MICAL3: variants seen among roughly 807,000 people sequenced by gnomAD.
MICAL3 encodes the protein [F-actin]-monooxygenase MICAL3.
In MICAL3, 62 loss-of-function variants were observed where a neutral mutation model predicts 207.4. That is an observed-to-expected ratio of 0.30 (90% CI 0.24 to 0.37). MICAL3 has a LOEUF of 0.37. Among genes scored for constraint, MICAL3 ranks in the 10% least tolerant of loss-of-function variants. The probability of loss-of-function intolerance (pLI) is 1.00; values close to 1 mark genes in which losing one functional copy is unlikely to be tolerated. For missense variants in MICAL3, 2,368 were observed against 2,635.6 expected (o/e 0.90, Z 2.22); for synonymous variants, 1,077 against 1,069.3 (o/e 1.01, Z -0.14).
chr22:17,923,668 A>T (rs559335042), intron 1 of MICAL3, among the ~76,000 whole-genome samples: 5 of 152,362 alleles, frequency 3.3e-5, no homozygotes, highest in African/African-American at 1.2e-4. Context: ...ACTACTGTTC[A>T]TTGGCCTGCT....
chr22:17,986,264 T>C (rs569372561), intron 1 of MICAL3, among the ~76,000 whole-genome samples: 2 of 152,316 alleles, frequency 1.3e-5, no homozygotes, highest in East Asian at 1.9e-4. Flanking sequence ...CTTATGCGTG[T>C]AATCCCAGCA....
At chr22:17,815,768 G>A (rs1288122746) in intron 27 of MICAL3, 1 of 152,438 alleles carries the variant, frequency 6.6e-6, no homozygotes, top group African/African-American at 2.4e-5. Context: ...AAAGCGTCTG[G>A]TTTGCTGAGT....
At chr22:17,935,987 A>G (rs1196074718) in intron 1 of MICAL3, among the ~76,000 whole-genome samples, 2 of 152,244 alleles carry the variant, frequency 1.3e-5, no homozygotes, top group Non-Finnish European at 2.9e-5. Flanking sequence ...GGGAGTGTAA[A>G]TTGATTCAAC....
intron 1 of MICAL3, among the ~76,000 whole-genome samples, chr22:17,934,614 C>G (rs1320329004): frequency 6.6e-6 from 1 of 152,132 alleles, no homozygotes; most frequent in African/African-American, 2.4e-5. Context: ...ACAGGGCAAT[C>G]AGGCAAGAGA....
intron 19 of MICAL3, 94 bp downstream of exon 19, chr22:17,864,805 A>T: frequency 6.2e-7 from 1 of 1,613,898 alleles, no homozygotes; most frequent in East Asian, 2.2e-5. Flanking sequence ...GAATGAAGAA[A>T]TGTTGCTTTG....
At chr22:17,966,825 A>C (rs560720914) in intron 1 of MICAL3, among the ~76,000 whole-genome samples, 32 of 152,250 alleles carry the variant, frequency 2.1e-4, no homozygotes, top group Non-Finnish European at 4.4e-4. Context: ...CTAAATGTGC[A>C]GCTGGAACTC....
chr22:18,014,062 T>G (rs372978484), intron 1 of MICAL3, among the ~76,000 whole-genome samples: 5 of 152,010 alleles, frequency 3.3e-5, no homozygotes, highest in East Asian at 3.9e-4. Flanking sequence ...CTCCCAAAGT[T>G]CTGGGATTAT....
chr22:17,961,725 C>T (rs1047357355), intron 1 of MICAL3, among the ~76,000 whole-genome samples: 1 of 152,170 alleles, frequency 6.6e-6, no homozygotes, highest in African/African-American at 2.4e-5. Flanking sequence ...ACAAGGCCTG[C>T]ACCCCTAACC....
chr22:17,884,369 C>T, intron 16 of MICAL3: 2 of 1,586,008 alleles, frequency 1.3e-6, no homozygotes, highest in Admixed American at 1.8e-5. Flanking sequence ...CTGGGACACA[C>T]AGGCCAAGTG....
intron 1 of MICAL3, among the ~76,000 whole-genome samples, chr22:18,007,703 C>T (rs1049033925): frequency 5.3e-5 from 8 of 151,812 alleles, no homozygotes; most frequent in Non-Finnish European, 7.4e-5. Flanking sequence ...CCTGTAATCC[C>T]AGCACTTTGG....
chr22:18,015,504 G>A (rs982384145), intron 1 of MICAL3, among the ~76,000 whole-genome samples: 2 of 133,276 alleles, frequency 1.5e-5, no homozygotes, highest in Non-Finnish European at 3.0e-5. Context: ...CCTCTGCCTT[G>A]TGGGTTCAAG....
At chr22:17,972,791 T>C (rs1046096081) in intron 1 of MICAL3, among the ~76,000 whole-genome samples, 2 of 152,224 alleles carry the variant, frequency 1.3e-5, no homozygotes, top group Non-Finnish European at 1.5e-5. Flanking sequence ...CAAATTGTTG[T>C]AGTATTGTGC....
At chr22:17,831,272 C>T (rs1029669035) in intron 21 of MICAL3, among the ~76,000 whole-genome samples, 5 of 152,300 alleles carry the variant, frequency 3.3e-5, no homozygotes, top group African/African-American at 1.2e-4. Context: ...TCACTTGAGG[C>T]CACACACACC....
At chr22:17,849,176 C>T (rs1486172892) in intron 19 of MICAL3, among the ~76,000 whole-genome samples, 1 of 152,262 alleles carries the variant, frequency 6.6e-6, no homozygotes, top group African/African-American at 2.4e-5. Flanking sequence ...CGACGACAGG[C>T]AGGCTCTACA....
At chr22:17,898,972 C>A (rs1931099770) in intron 7 of MICAL3, among the ~76,000 whole-genome samples, 1 of 152,218 alleles carries the variant, frequency 6.6e-6, no homozygotes, top group Non-Finnish European at 1.5e-5. Flanking sequence ...ATTATTGCTT[C>A]TTGGTCAAAC....
chr22:17,894,933 G>T (rs1356373937), intron 10 of MICAL3, among the ~76,000 whole-genome samples: 1 of 152,122 alleles, frequency 6.6e-6, no homozygotes, highest in African/African-American at 2.4e-5. Context: ...TTCAGACAAT[G>T]TAAGTCACAC....
intron 19 of MICAL3, among the ~76,000 whole-genome samples, chr22:17,858,965 C>T (rs1162702208): frequency 6.6e-6 from 1 of 152,160 alleles, no homozygotes; most frequent in Non-Finnish European, 1.5e-5. Context: ...ACTTATTGCG[C>T]CCCCCACATC....
At chr22:17,881,027 G>C (rs568787440) in intron 16 of MICAL3, among the ~76,000 whole-genome samples, 1 of 152,170 alleles carries the variant, frequency 6.6e-6, no homozygotes, top group Non-Finnish European at 1.5e-5. Context: ...GTGAATGTAG[G>C]ATGCACCATC....
chr22:17,941,283 C>A (rs575023317), intron 1 of MICAL3, among the ~76,000 whole-genome samples: 1 of 152,340 alleles, frequency 6.6e-6, no homozygotes, highest in East Asian at 1.9e-4. Flanking sequence ...TATGTCAACA[C>A]CGGCACCGAT....
Sources: gnomAD v4.1 joint callset for allele counts (sites outside exome capture counted in the v4.1 genomes callset) on GRCh38, gnomAD v4.1.1 for gene constraint, MANE v1.5 for transcripts, NCBI Gene and HGNC (gene_info 2026-07-23, HGNC 2026-07-21) for gene names.